The following ROR1 variants were observed in gnomAD, a reference collection of about 807,000 sequenced individuals.
ROR1 encodes the protein ROR family WNT receptor 1.
A neutral mutation model predicts 78.8 loss-of-function variants in ROR1; 19 were observed. The ratio of observed to expected loss-of-function variants is 0.24; its 90% CI spans 0.17 to 0.35. The LOEUF (loss-of-function observed/expected upper bound fraction) is 0.35, where lower values mean the gene tolerates loss of function less well. Among genes scored for constraint, ROR1 ranks in the 10% least tolerant of loss-of-function variants. ROR1 has a pLI of 1.00. For missense variants in ROR1, 917 were observed against 1,177.8 expected (o/e 0.78, Z 3.24); for synonymous variants, 386 against 433.6 (o/e 0.89, Z 1.36).
At chr1:64,025,705 A>C (rs941183744) in intron 2 of ROR1, among the ~76,000 whole-genome samples, 1 of 152,204 alleles carries the variant, frequency 6.6e-6, no homozygotes, top group Admixed American at 6.5e-5. Context: ...TGAATTAATG[A>C]CATTTGAAGC....
intron 1 of ROR1, among the ~76,000 whole-genome samples, chr1:63,834,418 T>G (rs1192109157): frequency 6.6e-6 from 1 of 152,058 alleles, no homozygotes; most frequent in Non-Finnish European, 1.5e-5. Context: ...CAGAAGATGT[T>G]CAAACATATT....
At chr1:63,846,335 C>G (rs886511992) in intron 1 of ROR1, among the ~76,000 whole-genome samples, 1 of 152,236 alleles carries the variant, frequency 6.6e-6, no homozygotes, top group East Asian at 1.9e-4. Flanking sequence ...CTCCAGCCAC[C>G]TGCGCGGTCT....
chr1:64,017,164 C>T (rs1192509277), intron 2 of ROR1, among the ~76,000 whole-genome samples: 3 of 152,028 alleles, frequency 2.0e-5, no homozygotes, highest in Admixed American at 6.6e-5. Context: ...CCTCGGCCCC[C>T]CAAAGTGCTG....
chr1:63,927,585 C>G (rs1645715759), intron 1 of ROR1, among the ~76,000 whole-genome samples: 1 of 150,564 alleles, frequency 6.6e-6, no homozygotes, highest in Non-Finnish European at 1.5e-5. Flanking sequence ...AGAGTAGCCT[C>G]TCTGAACTAG....
intron 6 of ROR1, among the ~76,000 whole-genome samples, chr1:64,141,646 G>A (rs987916195): frequency 1.3e-5 from 2 of 152,110 alleles, no homozygotes; most frequent in Non-Finnish European, 2.9e-5. Context: ...CTATTTCAGT[G>A]TACATTTCCC....
chr1:63,940,736 G>T, intron 1 of ROR1, among the ~76,000 whole-genome samples: 1 of 152,078 alleles, frequency 6.6e-6, no homozygotes, highest in East Asian at 1.9e-4. Context: ...TATTTGTATG[G>T]GTTTAAAGTA....
At position 64,140,698 on chromosome 1, in the gene ROR1, A is replaced by G. The variant is rs1451006832; in HGVS notation, c.928+272A>G. Among the ~76,000 whole-genome samples the G allele has an allele frequency of 2.0e-5, 3 of 152,224 alleles. No individual in the cohort carries two copies. In the East Asian group the frequency reaches 5.8e-4, roughly 29 times the overall value. On this transcript the variant is annotated intron_variant, in intron 6 of 8. Transcript: ENST00000371079. The stretch of plus-strand genomic sequence containing the variant: ...TGACCTAGCAATTCTACTCCTGAGT[A>G]TGTAATCAAAAGAACTGAAAACAGA...
intron 4 of ROR1, among the ~76,000 whole-genome samples, chr1:64,123,552 A>G (rs1259114691): frequency 6.6e-6 from 1 of 152,214 alleles, no homozygotes; most frequent in Non-Finnish European, 1.5e-5. Context: ...AAAGAATACT[A>G]ATATAAACAT....
intron 1 of ROR1, among the ~76,000 whole-genome samples, chr1:64,001,181 A>G (rs1646380109): frequency 6.6e-6 from 1 of 152,262 alleles, no homozygotes; most frequent in Admixed American, 6.5e-5. Flanking sequence ...CGATTGATAC[A>G]TGCAACAAAG....
chr1:64,014,738 C>CTATATATATATATATAT (rs1456430703), intron 2 of ROR1, among the ~76,000 whole-genome samples: 1 of 9,076 alleles, frequency 1.1e-4, no homozygotes, highest in Non-Finnish European at 2.5e-4. Context: ...CACATACGCA[C>CTATATATATATATATAT]ACTATATATA....
At chr1:64,056,826 T>C (rs1215753562) in intron 4 of ROR1, among the ~76,000 whole-genome samples, 1 of 152,248 alleles carries the variant, frequency 6.6e-6, no homozygotes, top group Non-Finnish European at 1.5e-5. Context: ...TTTGGGGAAA[T>C]GTTTGTTCAA....
chr1:63,796,533 C>T (rs1014833370), intron 1 of ROR1, among the ~76,000 whole-genome samples: 1 of 152,156 alleles, frequency 6.6e-6, no homozygotes, highest in East Asian at 1.9e-4. Flanking sequence ...TTTCCAAATG[C>T]ATATTAAAAT....
At chr1:64,007,447 C>T (rs1646437905) in intron 1 of ROR1, among the ~76,000 whole-genome samples, 1 of 151,190 alleles carries the variant, frequency 6.6e-6, no homozygotes, top group African/African-American at 2.4e-5. Flanking sequence ...AACCCCATTA[C>T]AATATATTAG....
chr1:63,812,514 A>C (rs543956530), intron 1 of ROR1, among the ~76,000 whole-genome samples: 4 of 151,870 alleles, frequency 2.6e-5, no homozygotes, highest in African/African-American at 9.7e-5. Context: ...TTTTGACTGA[A>C]TGAATGAATG....
chr1:63,812,643 A>AT, intron 1 of ROR1, among the ~76,000 whole-genome samples: 1 of 152,242 alleles, frequency 6.6e-6, no homozygotes, highest in Admixed American at 6.5e-5. Context: ...AAATAAGAAC[A>AT]GTGCTACCTA....
At chr1:63,976,602 T>C (rs1339331352) in intron 1 of ROR1, among the ~76,000 whole-genome samples, 1 of 152,210 alleles carries the variant, frequency 6.6e-6, no homozygotes, top group Admixed American at 6.5e-5. Context: ...TGGAGAAATT[T>C]CTAGCATAAG....
At chr1:64,135,664 C>T (rs1282381064) in intron 4 of ROR1, among the ~76,000 whole-genome samples, 1 of 151,926 alleles carries the variant, frequency 6.6e-6, no homozygotes, top group Non-Finnish European at 1.5e-5. Context: ...AAATTTAAGC[C>T]AAAAAGGCTT....
At position 64,178,320 on chromosome 1, in the gene ROR1, C is replaced by T. The variant is rs1174442254; in HGVS notation, c.2279C>T (p.Thr760Ile). 3.7e-6 allele frequency: 6 copies of T among 1,614,056 alleles called. No individual in the cohort carries two copies. The highest frequency in any genetic ancestry group is 1.3e-5 in the African/African-American group (1 of 74,916). Reference protein sequence around the residue: ...EGLSSHTSSTTPSGGNATTQT... With the variant: ...EGLSSHTSSTIPSGGNATTQT... ...CTCTCAAGTCACACAAGCTCTACTA[C>T]TCCTTCAGGGGGAAATGCCACCACA... Residue 760 changes from threonine to isoleucine, a missense_variant, in exon 9 of 9, where the codon ACT (threonine) becomes ATT (isoleucine). Thr to Ile is a moderately conservative substitution (Grantham distance 89). Coordinates refer to ENST00000371079, the MANE Select transcript of ROR1 (RefSeq NM_005012.4). The surrounding 1 kb of genome is among the most constrained non-coding windows in gnomAD (Gnocchi z 4.3).
At chr1:63,851,445 G>C (rs926875762) in intron 1 of ROR1, among the ~76,000 whole-genome samples, 2 of 152,160 alleles carry the variant, frequency 1.3e-5, no homozygotes, top group Non-Finnish European at 2.9e-5. Flanking sequence ...ATTGAGAACA[G>C]AGGAACTTAA....
Sources: allele counts gnomAD v4.1 joint callset (sites outside exome capture counted in the v4.1 genomes callset), GRCh38; gene constraint gnomAD v4.1.1; non-coding constraint Gnocchi (gnomAD v3.1); transcripts MANE v1.5; gene names NCBI Gene and HGNC (gene_info 2026-07-23, HGNC 2026-07-21).